The following DLGAP4 variants were observed in gnomAD, a reference collection of about 807,000 sequenced individuals.
The protein encoded by DLGAP4 is DLG associated protein 4.
A neutral mutation model predicts 86.9 loss-of-function variants in DLGAP4; 18 were observed. That is an observed-to-expected ratio of 0.21 (90% CI 0.14 to 0.31). The LOEUF (loss-of-function observed/expected upper bound fraction) is 0.31. DLGAP4 is among the 10% of genes least tolerant of loss of function. The pLI is 1.00. For synonymous variants in DLGAP4, 548 were observed against 574.3 expected, an observed-to-expected ratio of 0.95 and a Z score of 0.65; for missense variants, 1,085 against 1,362.6, an observed-to-expected ratio of 0.80 and a Z score of 3.21.
chr20:36,340,291 T>C (rs1333293009), intron 1 of DLGAP4, among the ~76,000 whole-genome samples: 2 of 151,852 alleles, frequency 1.3e-5, no homozygotes, highest in African/African-American at 2.4e-5. Flanking sequence ...GAAGTGGAGA[T>C]GGTGAGGAAG....
intron 3 of DLGAP4, among the ~76,000 whole-genome samples, chr20:36,433,801 G>A (rs969814459): frequency 3.3e-5 from 5 of 151,616 alleles, no homozygotes; most frequent in African/African-American, 4.9e-5. Context: ...ACAGGCACCC[G>A]CCACCATGCC....
intron 1 of DLGAP4, among the ~76,000 whole-genome samples, chr20:36,360,923 C>T (rs1313633014): frequency 6.6e-6 from 1 of 151,772 alleles, no homozygotes; most frequent in African/African-American, 2.4e-5. Flanking sequence ...TTCAGGAGGC[C>T]GCTGGGGAGA....
chr20:36,312,022 G>A (rs966725858), intron 1 of DLGAP4, among the ~76,000 whole-genome samples: 16 of 152,272 alleles, frequency 1.1e-4, no homozygotes, highest in Admixed American at 9.2e-4. Context: ...GAGCAGCCTT[G>A]GGACCACCCT....
At chr20:36,348,819 G>A (rs1326911803) in intron 1 of DLGAP4, among the ~76,000 whole-genome samples, 2 of 151,860 alleles carry the variant, frequency 1.3e-5, no homozygotes, top group Non-Finnish European at 2.9e-5. Flanking sequence ...AGTGATATGG[G>A]GCCAGGCGTG....
chr20:36,371,150 A>T (rs574428235), intron 2 of DLGAP4, among the ~76,000 whole-genome samples: 1 of 152,212 alleles, frequency 6.6e-6, no homozygotes, highest in Non-Finnish European at 1.5e-5. Flanking sequence ...CAGGGCAGGC[A>T]TCTGGGCATA....
At chr20:36,439,721 G>T in intron 4 of DLGAP4, 33 bp from the exon 5 acceptor site, 1 of 1,585,232 alleles carries the variant, frequency 6.3e-7, no homozygotes, top group South Asian at 1.1e-5. Context: ...CAATGGGTGG[G>T]CTGAGCCCTG....
At chr20:36,407,519 C>A (rs1427516097) in intron 2 of DLGAP4, among the ~76,000 whole-genome samples, 1 of 152,038 alleles carries the variant, frequency 6.6e-6, no homozygotes, top group African/African-American at 2.4e-5. Flanking sequence ...TCCAGAGTTG[C>A]TGGAGGGGTG....
rs1001237142 is a variant in DLGAP4 at position 36,354,942 on chromosome 20, C to T, written c.-303-12103C>T. 1.2e-4 allele frequency among the ~76,000 whole-genome samples: 18 copies of T among 152,138 alleles called. No homozygotes were observed. The East Asian group carries it at 1.9e-3, about 16-fold the overall frequency. ...GGGTGACAGAGTGAGACCCTGTCTACAGAAAACAAAACAAAACAGATAAAA... is the reference window on the plus strand; with the variant it reads ...GGGTGACAGAGTGAGACCCTGTCTATAGAAAACAAAACAAAACAGATAAAA... On this transcript the variant is annotated intron_variant, in intron 1 of 12. Transcript: ENST00000339266.
At chr20:36,328,824 G>A (rs1336261963) in intron 1 of DLGAP4, among the ~76,000 whole-genome samples, 5 of 150,564 alleles carry the variant, frequency 3.3e-5, no homozygotes, top group African/African-American at 9.8e-5. Flanking sequence ...TTATCCAGAT[G>A]GAATACAGTG....
intron 3 of DLGAP4, among the ~76,000 whole-genome samples, chr20:36,435,117 G>A (rs961668613): frequency 6.6e-6 from 1 of 152,164 alleles, no homozygotes; most frequent in South Asian, 2.1e-4. Context: ...GCTGGTGTGT[G>A]TCCTTGGTGA....
chr20:36,501,286 G>A (rs575391433), intron 10 of DLGAP4, among the ~76,000 whole-genome samples: 18 of 152,058 alleles, frequency 1.2e-4, no homozygotes, highest in South Asian at 8.3e-4. Context: ...GGCTGGTCTC[G>A]AACTCCTGAC....
intron 6 of DLGAP4, among the ~76,000 whole-genome samples, chr20:36,445,873 A>T (rs151228088): frequency 2.3e-4 from 35 of 152,248 alleles, no homozygotes; most frequent in African/African-American, 8.4e-4. Context: ...CCCTTCCAGA[A>T]CCCTCAAAGA....
chr20:36,521,365 CT>C (rs549680541), intron 10 of DLGAP4, among the ~76,000 whole-genome samples: 1 of 152,004 alleles, frequency 6.6e-6, no homozygotes, highest in Non-Finnish European at 1.5e-5. Flanking sequence ...AGTAGTTTTT[CT>C]TTTTTATTAC....
At chr20:36,327,529 C>G (rs978174358) in intron 1 of DLGAP4, among the ~76,000 whole-genome samples, 5 of 151,728 alleles carry the variant, frequency 3.3e-5, no homozygotes, top group African/African-American at 1.2e-4. Flanking sequence ...TCTGCTAGGC[C>G]GAGGGATACC....
chr20:36,472,390 C>T (rs2034706942), intron 7 of DLGAP4, among the ~76,000 whole-genome samples: 1 of 151,330 alleles, frequency 6.6e-6, no homozygotes. Flanking sequence ...GTATTCTTAG[C>T]TGCTTGTGGG....
chr20:36,454,572 A>G (rs983830902), intron 7 of DLGAP4, among the ~76,000 whole-genome samples: 2 of 152,074 alleles, frequency 1.3e-5, no homozygotes, highest in African/African-American at 2.4e-5. Flanking sequence ...CTGTCTCCCT[A>G]CTGGGTCACC....
In DLGAP4 at chr20:36,455,322, G is replaced by A. The variant is rs182885903; in HGVS notation, c.1648+8385G>A. Among the ~76,000 whole-genome samples the A allele has an allele frequency of 3.4e-3, 518 of 151,036 alleles. 4 individuals carry two copies. Among genetic ancestry groups the A allele is most frequent in the African/African-American group, 0.011 (444 of 41,106 alleles). ...CTCTCAGTTTCTGGCCCTCCTCCCC[G>A]TCCTCCCTTTCTGTGTCTCTCCCAC... On this transcript the variant is annotated intron_variant, in intron 7 of 12. Transcript: ENST00000339266.
intron 2 of DLGAP4, among the ~76,000 whole-genome samples, chr20:36,404,639 G>A (rs1348375947): frequency 6.6e-6 from 1 of 152,202 alleles, no homozygotes; most frequent in African/African-American, 2.4e-5. Context: ...AGAGAGGATG[G>A]GCATGCATAG....
chr20:36,312,059 G>C (rs1215591285), intron 1 of DLGAP4, among the ~76,000 whole-genome samples: 1 of 152,146 alleles, frequency 6.6e-6, no homozygotes, highest in Non-Finnish European at 1.5e-5. Flanking sequence ...TCTGCTGTCA[G>C]TGGCCACACC....
Sources: allele counts gnomAD v4.1 joint callset (sites outside exome capture counted in the v4.1 genomes callset), GRCh38; gene constraint gnomAD v4.1.1; transcripts MANE v1.5; gene names NCBI Gene and HGNC (gene_info 2026-07-23, HGNC 2026-07-21).